Variants in ZFHX3 observed in about 807,000 individuals in gnomAD.
The protein encoded by ZFHX3 is zinc finger homeobox 3, also known as zinc finger homeobox protein 3.
Under a neutral mutation model 279.1 loss-of-function variants are expected in ZFHX3, and 42 were observed. The observed-to-expected ratio is 0.15, with a 90% confidence interval of 0.12 to 0.19. ZFHX3 has a LOEUF of 0.19. ZFHX3 is among the 10% of genes least tolerant of loss of function. The pLI is 1.00. For synonymous variants in ZFHX3, 2,293 were observed against 1,957.8 expected (o/e 1.17, Z -4.52); for missense variants, 4,981 against 4,754.0 (o/e 1.05, Z -1.40).
At chr16:73,394,920 G>C (rs537351457) in intron 3 of ZFHX3, among the ~76,000 whole-genome samples, 217 of 152,314 alleles carry the variant, frequency 1.4e-3, no homozygotes, top group Middle Eastern at 3.4e-3. Context: ...CCTTGGGATT[G>C]AAAGTTCACA....
At chr16:73,864,121 G>T (rs1451136111) in intron 1 of ZFHX3, among the ~76,000 whole-genome samples, 1 of 152,092 alleles carries the variant, frequency 6.6e-6, no homozygotes, top group Non-Finnish European at 1.5e-5. Context: ...TAGATTATTG[G>T]CATGTTTACA....
At chr16:73,764,240 A>T (rs2142285154) in intron 1 of ZFHX3, among the ~76,000 whole-genome samples, 1 of 152,300 alleles carries the variant, frequency 6.6e-6, no homozygotes, top group East Asian at 1.9e-4. Flanking sequence ...TCTTGCCCCC[A>T]ACGCTTTTGC....
intron 4 of ZFHX3, among the ~76,000 whole-genome samples, chr16:72,842,629 G>A (rs1597299531): frequency 6.6e-6 from 1 of 151,996 alleles, no homozygotes; most frequent in African/African-American, 2.4e-5. Context: ...CTTCAAATAG[G>A]AGGAGGTCGG....
At chr16:73,419,857 T>C (rs1014223355) in intron 3 of ZFHX3, among the ~76,000 whole-genome samples, 13 of 152,128 alleles carry the variant, frequency 8.5e-5, no homozygotes, top group Non-Finnish European at 1.6e-4. Flanking sequence ...TAATACCTGC[T>C]TCTTGCTGAG....
rs76685127 is a variant in ZFHX3, at chr16:73,465,749, T to C, written c.-1546-9491A>G. ...CTTCCTTTTCTCCTTGTCCCTTGAG[T>C]TCTTCTCTCCTTTCTTGGCTCCGCT... is the stretch of plus-strand genomic sequence containing the variant. On this transcript the variant is annotated intron_variant, in intron 2 of 17. Coordinates refer to the ZFHX3 transcript ENST00000641206. 8.7e-3 allele frequency among the ~76,000 whole-genome samples: 1,330 copies of C among 152,284 alleles called. 14 individuals are homozygous for C. The highest frequency in any genetic ancestry group is 0.029 in the African/African-American group (1,222 of 41,542).
intron 1 of ZFHX3, among the ~76,000 whole-genome samples, chr16:73,705,568 G>A (rs1306183011): frequency 6.6e-6 from 1 of 152,102 alleles, no homozygotes; most frequent in Non-Finnish European, 1.5e-5. Context: ...ATTGTTTTCT[G>A]TGGTGTTGCA....
intron 1 of ZFHX3, among the ~76,000 whole-genome samples, chr16:73,696,317 T>A (rs2053197300): frequency 6.6e-6 from 1 of 152,086 alleles, no homozygotes; most frequent in Non-Finnish European, 1.5e-5. Context: ...CAGAACACCG[T>A]CAGGGTCTGC....
intron 4 of ZFHX3, among the ~76,000 whole-genome samples, chr16:72,836,598 C>T (rs1001814645): frequency 6.6e-6 from 1 of 152,100 alleles, no homozygotes; most frequent in South Asian, 2.1e-4. Context: ...TGTATGTACA[C>T]GGAAAAGGGA....
At chr16:73,221,759 G>A (rs557210391) in intron 5 of ZFHX3, among the ~76,000 whole-genome samples, 2 of 152,096 alleles carry the variant, frequency 1.3e-5, no homozygotes, top group African/African-American at 4.8e-5. Context: ...AAAGTCTTTG[G>A]TAGCAGTGAT....
chr16:73,070,928 GCGCGCGCGCGCACACACA>G lies in ZFHX3; in HGVS notation c.-532-11934_-532-11917del, dbSNP rs1455508221. On this transcript the variant is annotated intron_variant, in intron 8 of 17. Coordinates refer to the ZFHX3 transcript ENST00000641206. ...CCTAGACCGTCTTGCGCGCGCGCGC[GCGCGCGCGCGCACACACA>G]CACACACACACACACACACACACAC... Among the ~76,000 whole-genome samples, 270 of 31,422 alleles carry G rather than the reference GCGCGCGCGCGCACACACA, an allele frequency of 8.6e-3. 1 individual carries two copies. The highest frequency in any genetic ancestry group is 0.021 in the African/African-American group (257 of 12,302). The allele number at this position is 31,422 out of a possible 152,430, so 20.6% of individuals were successfully genotyped here. A position where few individuals can be genotyped will look rare whatever the true frequency, so the allele number is the denominator to read the frequency against.
chr16:73,552,414 T>C (rs2020216336), intron 2 of ZFHX3, among the ~76,000 whole-genome samples: 2 of 152,212 alleles, frequency 1.3e-5, no homozygotes, highest in Admixed American at 1.3e-4. Context: ...ACTAACATCG[T>C]GCCATTTCAT....
chr16:73,085,985 C>CAAAAAAAAAAAAAAAA (rs57128744), intron 8 of ZFHX3, among the ~76,000 whole-genome samples: 3 of 54,200 alleles, frequency 5.5e-5, no homozygotes, highest in Non-Finnish European at 1.2e-4. Flanking sequence ...AACTCAATTG[C>CAAAAAAAAAAAAAAAA]AAAAAAAAAA....
At chr16:73,770,999 G>T (rs1567405033) in intron 1 of ZFHX3, among the ~76,000 whole-genome samples, 1 of 152,178 alleles carries the variant, frequency 6.6e-6, no homozygotes, top group East Asian at 1.9e-4. Context: ...CTCCTAACTA[G>T]CTGTGAGATC....
intron 1 of ZFHX3, among the ~76,000 whole-genome samples, chr16:73,871,420 A>G (rs979850283): frequency 6.6e-6 from 1 of 152,152 alleles, no homozygotes. Flanking sequence ...CTATTAACCC[A>G]ACGTGATTAC....
At chr16:73,021,699 C>G (rs552364820) in intron 1 of ZFHX3, among the ~76,000 whole-genome samples, 106 of 151,894 alleles carry the variant, frequency 7.0e-4, no homozygotes, top group African/African-American at 2.5e-3. Flanking sequence ...GGTGTGGTGG[C>G]GGGCACCTAT....
At chr16:73,244,514 G>A (rs573959385) in intron 5 of ZFHX3, among the ~76,000 whole-genome samples, 1 of 152,306 alleles carries the variant, frequency 6.6e-6, no homozygotes, top group Admixed American at 6.5e-5. Flanking sequence ...TAACAGTCAA[G>A]GAAAGAGATT....
chr16:73,778,472 T>C (rs1959340163), intron 1 of ZFHX3, among the ~76,000 whole-genome samples: 1 of 152,224 alleles, frequency 6.6e-6, no homozygotes, highest in South Asian at 2.1e-4. Flanking sequence ...GTTCTTCAAA[T>C]ACAAGTTTAA....
chr16:73,388,206 T>C (rs559943105), intron 3 of ZFHX3, among the ~76,000 whole-genome samples: 1 of 152,266 alleles, frequency 6.6e-6, no homozygotes, highest in African/African-American at 2.4e-5. Context: ...CCACAGGTCT[T>C]CTTGGATGCT....
chr16:72,938,709 A>G (rs1473341600), intron 3 of ZFHX3, among the ~76,000 whole-genome samples: 1 of 152,228 alleles, frequency 6.6e-6, no homozygotes, highest in Non-Finnish European at 1.5e-5. Flanking sequence ...TTAGGGCGGC[A>G]AGACCCTGGA....
Sources: allele counts gnomAD v4.1 joint callset (sites outside exome capture counted in the v4.1 genomes callset), GRCh38; gene constraint gnomAD v4.1.1; transcripts MANE v1.5; gene names NCBI Gene and HGNC (gene_info 2026-07-23, HGNC 2026-07-21).